Variants in ACLY observed in about 807,000 individuals in gnomAD.
The protein encoded by ACLY is ATP-citrate synthase.
In ACLY, 41 loss-of-function variants were observed where a neutral mutation model predicts 133.0. That is an observed-to-expected ratio of 0.31 (90% CI 0.24 to 0.40). The LOEUF (loss-of-function observed/expected upper bound fraction) is 0.40. ACLY is among the 10% of genes least tolerant of loss of function. The probability of loss-of-function intolerance (pLI) is 1.00; values close to 1 mark genes in which losing one functional copy is unlikely to be tolerated. For missense variants in ACLY, 1,046 were observed against 1,453.8 expected, an observed-to-expected ratio of 0.72 and a Z score of 4.56; for synonymous variants, 495 against 549.3, an observed-to-expected ratio of 0.90 and a Z score of 1.38.
chr17:41,892,679 C>CT (rs1289356665), intron 15 of ACLY, among the ~76,000 whole-genome samples: 43 of 148,482 alleles, frequency 2.9e-4, no homozygotes, highest in African/African-American at 2.7e-4. Context: ...CAAGCCTTGC[C>CT]TTTTTTTTTT....
intron 20 of ACLY, among the ~76,000 whole-genome samples, chr17:41,879,413 CTTTTTT>C (rs1190398954): frequency 7.8e-6 from 1 of 128,844 alleles, no homozygotes; most frequent in African/African-American, 2.8e-5. Flanking sequence ...CCCCCCCCGC[CTTTTTT>C]TTTTTTTTTT....
At chr17:41,883,005 A>G (rs2048960327) in intron 20 of ACLY, 117 bp downstream of exon 20, 1 of 839,646 alleles carries the variant, frequency 1.2e-6, no homozygotes, top group Admixed American at 2.5e-5. Context: ...CAAGCAAGTA[A>G]CAAACGTTTC....
rs555141484 is a variant in ACLY at position 41,899,430 on chromosome 17, G to A, written c.1184-645C>T. On this transcript the variant is annotated intron_variant, in intron 11 of 28. Transcript: ENST00000352035. ...ATGCATCCACCAGTGCTTGGTCTCTGTTCCTAAACACCCTGAGCCCATTCC... is the reference window on the plus strand; with the variant it reads ...ATGCATCCACCAGTGCTTGGTCTCTATTCCTAAACACCCTGAGCCCATTCC... Among the ~76,000 whole-genome samples the A allele has an allele frequency of 1.6e-4, 25 of 152,208 alleles. 1 individual carries two copies. Among genetic ancestry groups the A allele is most frequent in the Middle Eastern group, 6.8e-3 (2 of 294 alleles).
chr17:41,917,134 CAAAAAAAAAAAAA>C (rs35545409), intron 1 of ACLY, among the ~76,000 whole-genome samples: 2 of 53,558 alleles, frequency 3.7e-5, no homozygotes, highest in African/African-American at 6.6e-5. Flanking sequence ...GACTCTGTCT[CAAAAAAAAAAAAA>C]AAAAAAAAAG....
Position 41,906,574 on chromosome 17 carries a change from T to C in ACLY, c.820A>G (p.Arg274Gly). Reference sequence around the variant, plus strand: ...CCCCCGGCCACCATGGTCCAGATCCTCCCTTTGGGGTTCAGCAAGGTCAGC... The same window carrying C: ...CCCCCGGCCACCATGGTCCAGATCCCCCCTTTGGGGTTCAGCAAGGTCAGC... ...LKLTLLNPKG[R>G]IWTMVAGGGA... Residue 274 changes from arginine (R) to glycine (G), a missense_variant, in exon 8 of 29, where the codon AGG becomes GGG. By Grantham distance (125) the Arg-to-Gly change is moderately radical. Around this residue, in one of 4 missense-constraint regions of ACLY, gnomAD observed 575 missense variants for 804.2 expected, o/e 0.71. Coordinates refer to ENST00000352035, the MANE Select transcript of ACLY (RefSeq NM_001096.3). 6.2e-7 allele frequency: 1 copy of C among 1,614,138 alleles called. No individual in the cohort carries two copies. Among genetic ancestry groups the C allele is most frequent in the Non-Finnish European group, 8.5e-7 (1 of 1,180,014 alleles).
At chr17:41,899,015 C>T (rs1018531249) in intron 11 of ACLY, among the ~76,000 whole-genome samples, 3 of 152,214 alleles carry the variant, frequency 2.0e-5, no homozygotes, top group Non-Finnish European at 4.4e-5. Context: ...TGGCTCACAC[C>T]TGTAATCCCA....
chr17:41,882,234 G>A (rs1031408875), intron 20 of ACLY, among the ~76,000 whole-genome samples: 1 of 151,658 alleles, frequency 6.6e-6, no homozygotes, highest in Non-Finnish European at 1.5e-5. Flanking sequence ...GGGTGTGGTG[G>A]CATGCGCCCA....
intron 1 of ACLY, among the ~76,000 whole-genome samples, chr17:41,915,545 T>C (rs1555634365): frequency 6.6e-6 from 1 of 152,114 alleles, no homozygotes; most frequent in Admixed American, 6.6e-5. Context: ...GCCTCCTAGC[T>C]AGTATCCAGC....
Position 41,892,427 on chromosome 17 carries a change from A to C in ACLY, c.1622T>G (p.Phe541Cys). The C allele has an allele frequency of 2.5e-6, 4 of 1,613,376 alleles. No homozygotes were observed. The highest frequency in any genetic ancestry group is 3.4e-6 in the Non-Finnish European group (4 of 1,179,752). The part of the protein sequence containing the change: ...YPFTGDHKQK[F>C]YWGHKEILIP... ...CAGGATCTCTTTGTGCCCCCAGTAA[A>C]ACTTCTGCTTGTGGTCCCCACTGTG... Residue 541 changes from phenylalanine to cysteine, a missense_variant, in exon 16 of 29, where the codon TTT (phenylalanine) becomes TGT (cysteine). Physicochemically the swap from Phe to Cys is radical, Grantham distance 205. Coordinates refer to ENST00000352035, the MANE Select transcript of ACLY (RefSeq NM_001096.3).
Position 41,898,870 on chromosome 17 carries a change from A to G in ACLY, c.1184-85T>C, listed in dbSNP as rs1174371034. On this transcript the variant is annotated intron_variant, in intron 11 of 28. Coordinates refer to ENST00000352035, the MANE Select transcript of ACLY (RefSeq NM_001096.3). ...TGTGACCCTGCAAAGGGCCTTTTAC[A>G]GCCATGATCAGTGTTTGGCGCATTC... 7.3e-6 allele frequency: 10 copies of G among 1,362,602 alleles called. No homozygotes were observed. The African/African-American group carries it at 1.5e-4, about 20-fold the overall frequency. The allele number at this position is 1,362,602 out of a possible 1,614,324, so 84.4% of individuals were successfully genotyped here.
At chr17:41,910,177 G>T (rs1555633413) in intron 4 of ACLY, 45 bp downstream of exon 4, 4 of 1,588,242 alleles carry the variant, frequency 2.5e-6, no homozygotes, top group South Asian at 2.3e-5. Context: ...CAAACCCAAG[G>T]TTCCAGGAGG....
chr17:41,886,992 T>C (rs868987705), intron 17 of ACLY, among the ~76,000 whole-genome samples: 1 of 149,050 alleles, frequency 6.7e-6, no homozygotes, highest in Non-Finnish European at 1.5e-5. Context: ...GGCGTGGTGG[T>C]TCACACCTAT....
upstream of ACLY, among the ~76,000 whole-genome samples, chr17:41,919,479 G>A (rs2050147692): frequency 6.6e-6 from 1 of 152,218 alleles, no homozygotes; most frequent in Non-Finnish European, 1.5e-5. Flanking sequence ...CCTTTAGCAC[G>A]TGGAGCCTCT....
chr17:41,883,498 C>G (rs2048972326), intron 19 of ACLY, among the ~76,000 whole-genome samples: 1 of 151,934 alleles, frequency 6.6e-6, no homozygotes. Context: ...TTATGGGACT[C>G]CCAAATTTTT....
At chr17:41,921,697 T>C (rs1480048996), upstream of ACLY, among the ~76,000 whole-genome samples, 2 of 151,930 alleles carry the variant, frequency 1.3e-5, no homozygotes, top group African/African-American at 4.8e-5. Context: ...CAGCTGGGCA[T>C]GCTGGCTCAC....
At chr17:41,872,764 G>A (rs1270120461) in intron 23 of ACLY, among the ~76,000 whole-genome samples, 3 of 152,222 alleles carry the variant, frequency 2.0e-5, no homozygotes, top group Non-Finnish European at 4.4e-5. Flanking sequence ...AGACTGACAG[G>A]AGGTGAGAAC....
intron 14 of ACLY, 74 bp from the exon 15 acceptor site, chr17:41,893,248 G>GAC: frequency 6.6e-7 from 1 of 1,508,998 alleles, no homozygotes; most frequent in Non-Finnish European, 8.9e-7. Context: ...AGGGCTGCCT[G>GAC]ACAGACCCCT....
chr17:41,880,979 GATC>G (rs1436687906), intron 20 of ACLY, among the ~76,000 whole-genome samples: 1 of 144,696 alleles, frequency 6.9e-6, no homozygotes, highest in Non-Finnish European at 1.5e-5. Context: ...GAAGTGTCCT[GATC>G]ATGGTGGGGA....
chr17:41,909,048 G>A lies in ACLY; in HGVS notation c.557C>T (p.Ser186Phe). 1 of 1,612,786 alleles carries A rather than the reference G, an allele frequency of 6.2e-7. No individual in the cohort carries two copies. Among genetic ancestry groups the A allele is most frequent in the South Asian group, 1.1e-5 (1 of 90,762 alleles). Residue 186 changes from serine (S) to phenylalanine (F), a missense_variant, in exon 6 of 29, where the codon TCC (serine) becomes TTC (phenylalanine). By Grantham distance (155) the Ser-to-Phe change is radical. Coordinates refer to ENST00000352035, the MANE Select transcript of ACLY (RefSeq NM_001096.3). Reference sequence around the variant, plus strand: ...GTCCTCGTAGAAATTGAAGAGGCCGGAGATAAAACTGGCCAGAATTCTAGA... The same window carrying A: ...GTCCTCGTAGAAATTGAAGAGGCCGAAGATAAAACTGGCCAGAATTCTAGA... ...DKKEILASFI[S>F]GLFNFYEDLY...
Sources: gnomAD v4.1 joint callset for allele counts (sites outside exome capture counted in the v4.1 genomes callset) on GRCh38, gnomAD v4.1.1 for gene constraint, gnomAD v4.1.1 regional missense constraint, MANE v1.5 for transcripts, NCBI Gene and HGNC (gene_info 2026-07-23, HGNC 2026-07-21) for gene names.